Variants in SNRPN observed in about 807,000 individuals in gnomAD.
SNRPN encodes small nuclear ribonucleoprotein polypeptide N.
A neutral mutation model predicts 25.2 loss-of-function variants in SNRPN; 7 were observed. The ratio of observed to expected loss-of-function variants is 0.28; its 90% CI spans 0.16 to 0.52. The LOEUF is 0.52. Among genes scored for constraint, SNRPN ranks in the 20% least tolerant of loss-of-function variants. SNRPN has a pLI of 0.96. For missense variants in SNRPN, 196 were observed against 322.5 expected, an observed-to-expected ratio of 0.61 and a Z score of 3.00; for synonymous variants, 124 against 110.6, an observed-to-expected ratio of 1.12 and a Z score of -0.76.
At chr15:24,945,857 C>T (rs1027747214) in intron 3 of SNRPN, among the ~76,000 whole-genome samples, 4 of 152,164 alleles carry the variant, frequency 2.6e-5, no homozygotes, top group Non-Finnish European at 5.9e-5. Flanking sequence ...TCTCTCTCCT[C>T]ATCAAGGCTG....
chr15:24,951,556 A>G (rs1336510717), upstream of SNRPN, among the ~76,000 whole-genome samples: 1 of 149,892 alleles, frequency 6.7e-6, no homozygotes, highest in Admixed American at 6.7e-5. Context: ...TACCCAGGCT[A>G]GAGTGCAGTG....
intron 2 of SNRPN, among the ~76,000 whole-genome samples, chr15:24,837,344 T>C (rs2051280987): frequency 1.3e-5 from 2 of 150,784 alleles, no homozygotes; most frequent in African/African-American, 4.9e-5. Context: ...ACACTAATCA[T>C]ATATTGCGAC....
At chr15:24,832,639 A>T (rs1309480449) in intron 2 of SNRPN, among the ~76,000 whole-genome samples, 1 of 151,888 alleles carries the variant, frequency 6.6e-6, no homozygotes, top group Non-Finnish European at 1.5e-5. Flanking sequence ...CACGCAATGG[A>T]AGGTTTGTCT....
chr15:24,927,168 T>C (rs186779337), intron 3 of SNRPN, among the ~76,000 whole-genome samples: 73 of 152,102 alleles, frequency 4.8e-4, no homozygotes, highest in African/African-American at 1.6e-3. Context: ...TCACCCAGGC[T>C]GGGGTGCAAT....
intron 2 of SNRPN, among the ~76,000 whole-genome samples, chr15:24,894,165 C>T (rs1247767182): frequency 6.6e-6 from 1 of 152,164 alleles, no homozygotes; most frequent in Non-Finnish European, 1.5e-5. Flanking sequence ...TGCTTGCACA[C>T]ACAAGAACCA....
chr15:24,977,941 C>T lies in SNRPN; in HGVS notation c.559+25C>T, dbSNP rs376410360. 97 of 1,531,746 alleles carry T rather than the reference C, an allele frequency of 6.3e-5. No individual in the cohort carries two copies. In the South Asian group the frequency reaches 7.0e-4, roughly 11 times the overall value. The allele number at this position is 1,531,746 out of a possible 1,614,324, so 94.9% of individuals were successfully genotyped here. A position where few individuals can be genotyped will look rare whatever the true frequency, so the allele number is the denominator to read the frequency against. ...GGTAAGGGATTGGTGAACACGAAGA[C>T]GAACTTGAATCTCTGATGAGAGATA... On this transcript the variant is annotated intron_variant, in intron 8 of 9. Coordinates refer to ENST00000390687, the MANE Select transcript of SNRPN (RefSeq NM_003097.6).
At chr15:24,888,465 TAA>T (rs1284393711) in intron 2 of SNRPN, among the ~76,000 whole-genome samples, 1 of 152,222 alleles carries the variant, frequency 6.6e-6, no homozygotes, top group Non-Finnish European at 1.5e-5. Context: ...ATCAGTTTTG[TAA>T]TAGTTTATTT....
chr15:24,925,704 C>T (rs1018873765), intron 3 of SNRPN, among the ~76,000 whole-genome samples: 2 of 151,936 alleles, frequency 1.3e-5, no homozygotes, highest in Admixed American at 6.6e-5. Flanking sequence ...TCAGCCTCCC[C>T]AGTGGCTGGG....
Position 24,909,542 on chromosome 15 carries a change from T to G in SNRPN, c.-504-10469T>G. 5 of 1,456,862 alleles carry G rather than the reference T, an allele frequency of 3.4e-6. No individual in the cohort carries two copies. The South Asian group carries it at 5.7e-5, about 17-fold the overall frequency. 90.2% of individuals were successfully genotyped at this position (1,456,862 alleles called of 1,614,324 possible). A position where few individuals can be genotyped will look rare whatever the true frequency, so the allele number is the denominator to read the frequency against. ...GCCAGTACAATATGCTGCAGCATAATTTGTCGGGCCAACCTTCACACCATA... is the reference window on the plus strand; with the variant it reads ...GCCAGTACAATATGCTGCAGCATAAGTTGTCGGGCCAACCTTCACACCATA... On this transcript the variant is annotated intron_variant, in intron 2 of 11. Coordinates refer to the SNRPN transcript ENST00000400097.
intron 1 of SNRPN, among the ~76,000 whole-genome samples, chr15:24,857,978 G>C: frequency 6.6e-6 from 1 of 152,006 alleles, no homozygotes; most frequent in East Asian, 1.9e-4. Context: ...TCAGTTCCCC[G>C]GTTGGGGCCA....
chr15:24,846,866 A>G (rs183101372), intron 2 of SNRPN, among the ~76,000 whole-genome samples: 8 of 152,166 alleles, frequency 5.3e-5, no homozygotes, highest in African/African-American at 1.9e-4. Context: ...CAGCTGTTGT[A>G]ATTGTTAAAA....
At chr15:24,844,402 T>C (rs1015802429) in intron 2 of SNRPN, among the ~76,000 whole-genome samples, 1 of 152,240 alleles carries the variant, frequency 6.6e-6, no homozygotes, top group Admixed American at 6.5e-5. Context: ...AATTTTGATA[T>C]GACCTACATC....
intron 3 of SNRPN, among the ~76,000 whole-genome samples, chr15:24,939,752 G>GT (rs35465024): frequency 0.87 from 123,385 of 141,520 alleles, 53,680 homozygotes; most frequent in East Asian, 0.98. Context: ...TTAAAATCAG[G>GT]TTTTTTTTTT....
intron 2 of SNRPN, among the ~76,000 whole-genome samples, chr15:24,842,586 G>A (rs754351010): frequency 6.6e-6 from 1 of 152,118 alleles, no homozygotes; most frequent in Non-Finnish European, 1.5e-5. Context: ...ATGGCGCATT[G>A]AGCAAAGCTT....
At chr15:24,923,913 G>GTGTGTA (rs1179755722) in intron 3 of SNRPN, among the ~76,000 whole-genome samples, 2 of 67,602 alleles carry the variant, frequency 3.0e-5, no homozygotes, top group Non-Finnish European at 6.0e-5. Context: ...GTGTGTGTGT[G>GTGTGTA]TATATAAACA....
upstream of SNRPN, among the ~76,000 whole-genome samples, chr15:24,954,287 A>G (rs2062505850): frequency 6.6e-6 from 1 of 152,196 alleles, no homozygotes; most frequent in Non-Finnish European, 1.5e-5. Flanking sequence ...CAATTCTAAT[A>G]GGCAAAGAAA....
At chr15:24,902,864 A>G (rs2058554196) in intron 2 of SNRPN, among the ~76,000 whole-genome samples, 1 of 152,242 alleles carries the variant, frequency 6.6e-6, no homozygotes, top group Non-Finnish European at 1.5e-5. Flanking sequence ...AAAGAGCAAA[A>G]GAACAATGCT....
At chr15:24,908,112 T>TA (rs1363727536) in intron 2 of SNRPN, among the ~76,000 whole-genome samples, 2 of 150,552 alleles carry the variant, frequency 1.3e-5, no homozygotes, top group Admixed American at 1.3e-4. Flanking sequence ...GAGCAGCCCT[T>TA]ACTAGACACA....
intron 2 of SNRPN, among the ~76,000 whole-genome samples, chr15:24,832,175 T>C (rs1175066207): frequency 2.0e-5 from 3 of 152,074 alleles, no homozygotes. Context: ...CTTTTGTCTT[T>C]TAAAATAGCC....
Sources: allele counts gnomAD v4.1 joint callset (sites outside exome capture counted in the v4.1 genomes callset), GRCh38; gene constraint gnomAD v4.1.1; transcripts MANE v1.5; gene names NCBI Gene and HGNC (gene_info 2026-07-23, HGNC 2026-07-21).